TRAPPC9: variants seen among roughly 807,000 people sequenced by gnomAD.
TRAPPC9 encodes IKK2 binding protein.
In TRAPPC9, 83 loss-of-function variants were observed where a neutral mutation model predicts 124.0. That is an observed-to-expected ratio of 0.67 (90% CI 0.56 to 0.80). The LOEUF is 0.80. Among genes scored for constraint, TRAPPC9 ranks in the 30% least tolerant of loss-of-function variants. The pLI, the probability that TRAPPC9 is intolerant of heterozygous loss-of-function variation, is 0.00. For missense variants in TRAPPC9, 1,302 were observed against 1,508.3 expected (o/e 0.86, Z 2.27); for synonymous variants, 638 against 617.5 (o/e 1.03, Z -0.49).
At chr8:140,159,478 C>T (rs1421978376) in intron 17 of TRAPPC9, among the ~76,000 whole-genome samples, 1 of 152,168 alleles carries the variant, frequency 6.6e-6, no homozygotes, top group Non-Finnish European at 1.5e-5. Flanking sequence ...AAAGGTCTGC[C>T]ACCTACCTAC....
Position 139,732,021 on chromosome 8 carries a change from G to A in TRAPPC9, c.3237C>T (p.Asp1079=), listed in dbSNP as rs144880704. ...TGCTGGAGCCCACGAAGGAGACGGTGTCGTGCAGGTCGTAGTTGTGCACGC... is the reference window on the plus strand; with the variant it reads ...TGCTGGAGCCCACGAAGGAGACGGTATCGTGCAGGTCGTAGTTGTGCACGC... ...QNGVHNYDLH[D]TVSFVGSSTF... is the part of the protein sequence containing the mutation. The change falls in exon 22 of 23, where the codon GAC becomes GAT. Residue 1079 remains aspartate (D), a synonymous_variant. Transcript: ENST00000438773. 100 of 1,600,440 alleles carry A rather than the reference G, an allele frequency of 6.2e-5. No homozygotes were observed. The African/African-American group carries it at 1.2e-3, about 19-fold the overall frequency.
intron 5 of TRAPPC9, among the ~76,000 whole-genome samples, chr8:140,415,973 A>G (rs1339488375): frequency 1.3e-5 from 2 of 152,172 alleles, no homozygotes; most frequent in African/African-American, 2.4e-5. Context: ...AAACCAGAAG[A>G]AAGAGCTCAT....
At chr8:140,450,613 T>C (rs2071420525) in intron 2 of TRAPPC9, among the ~76,000 whole-genome samples, 177 bp downstream of exon 2, 1 of 152,180 alleles carries the variant, frequency 6.6e-6, no homozygotes, top group Non-Finnish European at 1.5e-5. Context: ...TAAAAGTCAC[T>C]GGTTTTTGTT....
At chr8:139,890,731 A>G (rs1397638107) in intron 20 of TRAPPC9, among the ~76,000 whole-genome samples, 1 of 152,234 alleles carries the variant, frequency 6.6e-6, no homozygotes, top group Non-Finnish European at 1.5e-5. Context: ...GTGAGGTTAG[A>G]AAATATCTGT....
chr8:139,752,974 CCCAT>C (rs373630581), intron 21 of TRAPPC9, among the ~76,000 whole-genome samples: 6 of 148,616 alleles, frequency 4.0e-5, no homozygotes, highest in South Asian at 4.4e-4. Flanking sequence ...CCAAAATCTA[CCCAT>C]CCATCCATCC....
At chr8:140,359,784 G>C (rs1412999297) in intron 9 of TRAPPC9, among the ~76,000 whole-genome samples, 1 of 152,214 alleles carries the variant, frequency 6.6e-6, no homozygotes, top group East Asian at 1.9e-4. Flanking sequence ...AGAAGCCTGA[G>C]AGGTGGAGGG....
chr8:140,227,892 C>G (rs1256150484), intron 16 of TRAPPC9, among the ~76,000 whole-genome samples: 1 of 152,196 alleles, frequency 6.6e-6, no homozygotes, highest in African/African-American at 2.4e-5. Flanking sequence ...GAAGCACAGC[C>G]AGAACTAGGC....
At chr8:140,064,864 C>A (rs1842826482) in intron 17 of TRAPPC9, among the ~76,000 whole-genome samples, 1 of 152,144 alleles carries the variant, frequency 6.6e-6, no homozygotes, top group African/African-American at 2.4e-5. Context: ...CCATTCACTG[C>A]AGGATTGTAA....
chr8:139,884,432 A>G (rs929029837), intron 21 of TRAPPC9, among the ~76,000 whole-genome samples: 3 of 152,072 alleles, frequency 2.0e-5, no homozygotes, highest in African/African-American at 7.2e-5. Context: ...CCCCACCCCA[A>G]GTCACTCTGT....
At chr8:139,855,359 C>G (rs906343097) in intron 21 of TRAPPC9, among the ~76,000 whole-genome samples, 2 of 152,190 alleles carry the variant, frequency 1.3e-5, no homozygotes, top group African/African-American at 2.4e-5. Flanking sequence ...CAGTGCCTGG[C>G]GCTCAGCTCC....
chr8:139,925,980 T>C (rs1832796699), intron 19 of TRAPPC9, among the ~76,000 whole-genome samples: 1 of 152,184 alleles, frequency 6.6e-6, no homozygotes, highest in East Asian at 1.9e-4. Flanking sequence ...GACCCAATGG[T>C]GTGCTGCAGC....
chr8:139,898,112 G>A lies in TRAPPC9; in HGVS notation c.2964+12035C>T, dbSNP rs145804958. 2.2e-3 allele frequency among the ~76,000 whole-genome samples: 338 copies of A among 152,332 alleles called. 7 individuals carry two copies. In the East Asian group the frequency reaches 0.052, roughly 23 times the overall value. On this transcript the variant is annotated intron_variant, in intron 20 of 22. Coordinates refer to ENST00000438773, the MANE Select transcript of TRAPPC9 (RefSeq NM_001160372.4). The stretch of plus-strand genomic sequence containing the variant: ...AAGCATAACTCCAGGAGTAAGTGGC[G>A]TACGCAAGTGGGGCTCCTCCTAGAA...
At chr8:140,244,800 C>CTTTTTTTTTTTTTTTTTTTTTTTTTTT (rs1162364645) in intron 16 of TRAPPC9, among the ~76,000 whole-genome samples, 1 of 90,180 alleles carries the variant, frequency 1.1e-5, no homozygotes, top group Non-Finnish European at 1.9e-5. Context: ...TTTCCAATTC[C>CTTTTTTTTTTTTTTTTTTTTTTTTTTT]TTTTTTTTTT....
At chr8:140,030,108 C>T (rs943438428) in intron 17 of TRAPPC9, among the ~76,000 whole-genome samples, 1 of 152,130 alleles carries the variant, frequency 6.6e-6, no homozygotes, top group African/African-American at 2.4e-5. Context: ...TTTAAAAACT[C>T]TCAGCAAACT....
chr8:140,362,671 A>G (rs537783570), intron 8 of TRAPPC9, among the ~76,000 whole-genome samples: 45 of 152,360 alleles, frequency 3.0e-4, no homozygotes, highest in African/African-American at 1.0e-3. Flanking sequence ...AATATTCCAC[A>G]TTGTCAAAAG....
chr8:140,229,069 C>G (rs1210572587), intron 16 of TRAPPC9, among the ~76,000 whole-genome samples: 1 of 151,814 alleles, frequency 6.6e-6, no homozygotes, highest in Non-Finnish European at 1.5e-5. Context: ...TGGCTAAAAA[C>G]TAAGAGAACC....
At chr8:140,068,687 T>TTG (rs1842994449) in intron 17 of TRAPPC9, among the ~76,000 whole-genome samples, 1 of 152,216 alleles carries the variant, frequency 6.6e-6, no homozygotes, top group South Asian at 2.1e-4. Context: ...CATTTGTATT[T>TTG]TGCAGGCCAC....
intron 9 of TRAPPC9, among the ~76,000 whole-genome samples, chr8:140,334,502 T>C (rs2066982602): frequency 6.6e-6 from 1 of 151,760 alleles, no homozygotes; most frequent in South Asian, 2.1e-4. Context: ...ATACAAAAAT[T>C]AGCCAGGCGT....
intron 17 of TRAPPC9, among the ~76,000 whole-genome samples, chr8:140,038,215 C>T (rs971847568): frequency 6.6e-6 from 1 of 152,120 alleles, no homozygotes; most frequent in Non-Finnish European, 1.5e-5. Context: ...GAATGAGAAG[C>T]TGATTCGCCG....
Sources: gnomAD v4.1 joint callset for allele counts (sites outside exome capture counted in the v4.1 genomes callset) on GRCh38, gnomAD v4.1.1 for gene constraint, MANE v1.5 for transcripts, NCBI Gene and HGNC (gene_info 2026-07-23, HGNC 2026-07-21) for gene names.